The following GRIA3 variants were observed in gnomAD, a reference collection of about 807,000 sequenced individuals.
GRIA3 encodes the protein glutamate receptor 3.
A neutral mutation model predicts 63.0 loss-of-function variants in GRIA3; 3 were observed. The ratio of observed to expected loss-of-function variants is 0.05; its 90% CI spans 0.02 to 0.12. GRIA3 has a LOEUF of 0.12. Among genes scored for constraint, GRIA3 ranks in the 10% least tolerant of loss-of-function variants. The pLI, the probability that GRIA3 is intolerant of heterozygous loss-of-function variation, is 1.00. For synonymous variants in GRIA3, 274 were observed against 257.9 expected, an observed-to-expected ratio of 1.06 and a Z score of -0.60; for missense variants, 347 against 700.9, an observed-to-expected ratio of 0.50 and a Z score of 5.70.
At chrX:123,364,749 T>C (rs2045199250) in intron 5 of GRIA3, among the ~76,000 whole-genome samples, 1 of 112,658 alleles carries the variant, frequency 8.9e-6, no homozygotes, top group Admixed American at 9.4e-5. Context: ...AAAGGAAATG[T>C]GGTATATGTA....
chrX:123,298,926 G>A (rs953897177), intron 3 of GRIA3, among the ~76,000 whole-genome samples: 9 of 110,442 alleles, frequency 8.1e-5, no homozygotes, highest in Non-Finnish European at 1.7e-4. Flanking sequence ...AAGGAGTCCA[G>A]TTTCAATCTT....
At chrX:123,464,260 T>C (rs2045823200) in intron 12 of GRIA3, among the ~76,000 whole-genome samples, 1 of 111,668 alleles carries the variant, frequency 9.0e-6, no homozygotes, top group South Asian at 3.7e-4. Context: ...CTCCATACCT[T>C]AGCATCACAC....
chrX:123,204,702 G>A, intron 2 of GRIA3: 2 of 979,598 alleles, frequency 2.0e-6, no homozygotes, highest in East Asian at 3.9e-5. Context: ...TCAGTTGTGT[G>A]GGTGTATTTT....
chrX:123,333,085 T>C (rs2044952137), intron 4 of GRIA3, among the ~76,000 whole-genome samples: 1 of 111,111 alleles, frequency 9.0e-6, no homozygotes, highest in African/African-American at 3.3e-5. Context: ...AATCAGGATG[T>C]CATTTCTTTA....
chrX:123,421,219 T>C (rs1326024768), intron 11 of GRIA3, among the ~76,000 whole-genome samples: 1 of 112,011 alleles, frequency 8.9e-6, no homozygotes, highest in Non-Finnish European at 1.9e-5. Flanking sequence ...TCCTCCAATA[T>C]TGTCTTTTGT....
intron 2 of GRIA3, among the ~76,000 whole-genome samples, chrX:123,197,784 C>A (rs1927613905): frequency 8.9e-6 from 1 of 112,452 alleles, no homozygotes; most frequent in South Asian, 3.7e-4. Flanking sequence ...CCAACTCTTC[C>A]ACTTACTAGC....
chrX:123,317,856 G>T (rs2044842223), intron 3 of GRIA3, among the ~76,000 whole-genome samples: 1 of 112,480 alleles, frequency 8.9e-6, no homozygotes, highest in African/African-American at 3.2e-5. Flanking sequence ...TCTGTGTAGG[G>T]GCTCTGACCC....
intron 2 of GRIA3, among the ~76,000 whole-genome samples, chrX:123,231,443 A>G (rs1312795516): frequency 9.0e-6 from 1 of 111,303 alleles, no homozygotes; most frequent in African/African-American, 3.3e-5. Context: ...GGTCAACTAA[A>G]TTTCTTGAGC....
intron 4 of GRIA3, among the ~76,000 whole-genome samples, chrX:123,352,085 A>ATTTT (rs58791604): frequency 0.019 from 1,903 of 102,143 alleles, 50 homozygotes; most frequent in African/African-American, 0.061. Context: ...CATTTCAAAC[A>ATTTT]TTTTTTTTTT....
At chrX:123,406,035 C>A (rs2045472117) in intron 10 of GRIA3, among the ~76,000 whole-genome samples, 1 of 112,391 alleles carries the variant, frequency 8.9e-6, no homozygotes, top group African/African-American at 3.2e-5. Context: ...TTAATATGGG[C>A]AATTAGGGCT....
intron 10 of GRIA3, among the ~76,000 whole-genome samples, chrX:123,412,877 C>T (rs943098216): frequency 2.7e-5 from 3 of 109,380 alleles, no homozygotes; most frequent in African/African-American, 1.0e-4. Context: ...AAAACATAGA[C>T]AAATTCCACA....
intron 3 of GRIA3, among the ~76,000 whole-genome samples, chrX:123,279,059 G>C (rs188834977): frequency 4.9e-4 from 55 of 111,837 alleles, no homozygotes; most frequent in African/African-American, 1.8e-3. Flanking sequence ...CCATGAACAT[G>C]GGATATATTC....
At chrX:123,450,207 C>T (rs2045723222) in intron 12 of GRIA3, among the ~76,000 whole-genome samples, 1 of 112,152 alleles carries the variant, frequency 8.9e-6, no homozygotes, top group East Asian at 2.8e-4. Context: ...CTAATGGTAG[C>T]ATTTAGGGCC....
intron 4 of GRIA3, among the ~76,000 whole-genome samples, chrX:123,334,970 G>A (rs1482551477): frequency 9.1e-6 from 1 of 109,597 alleles, no homozygotes; most frequent in African/African-American, 3.3e-5. Context: ...GCTAGGGTGA[G>A]GAGAAAAGGA....
chrX:123,410,430 G>A (rs2045498643), intron 10 of GRIA3, among the ~76,000 whole-genome samples: 1 of 112,040 alleles, frequency 8.9e-6, no homozygotes, highest in Non-Finnish European at 1.9e-5. Flanking sequence ...GGGCTGCAGG[G>A]ATGGTTGATT....
chrX:123,396,233 AATG>A (rs896387377), intron 6 of GRIA3, among the ~76,000 whole-genome samples: 9 of 105,597 alleles, frequency 8.5e-5, no homozygotes, highest in African/African-American at 3.1e-4. Flanking sequence ...TAATAATAAT[AATG>A]ATGATAAGGG....
At chrX:123,428,318 A>G (rs1047427221) in intron 12 of GRIA3, among the ~76,000 whole-genome samples, 179 bp downstream of exon 12, 15 of 110,994 alleles carry the variant, frequency 1.4e-4, no homozygotes, top group African/African-American at 4.6e-4. Context: ...TAGAACCAAG[A>G]CTTGAGTAAG....
chrX:123,328,990 C>T (rs2044923615), intron 4 of GRIA3, among the ~76,000 whole-genome samples: 1 of 111,860 alleles, frequency 8.9e-6, no homozygotes, highest in Non-Finnish European at 1.9e-5. Flanking sequence ...TATCTATCAC[C>T]TTTCTCATTG....
intron 2 of GRIA3, among the ~76,000 whole-genome samples, chrX:123,243,166 T>C (rs958538727): frequency 1.8e-5 from 2 of 112,127 alleles, no homozygotes; most frequent in East Asian, 2.8e-4. Flanking sequence ...ACCTAGACTA[T>C]AGTAATAACA....
Sources: gnomAD v4.1 joint callset for allele counts (sites outside exome capture counted in the v4.1 genomes callset) on GRCh38, gnomAD v4.1.1 for gene constraint, MANE v1.5 for transcripts, NCBI Gene and HGNC (gene_info 2026-07-23, HGNC 2026-07-21) for gene names.